The following ARL15 variants were observed in gnomAD, a reference collection of about 807,000 sequenced individuals.
ARL15 encodes the protein ARF like GTPase 15.
In ARL15, 19 loss-of-function variants were observed where a neutral mutation model predicts 25.2. That is an observed-to-expected ratio of 0.75 (90% CI 0.53 to 1.10). The LOEUF (loss-of-function observed/expected upper bound fraction) is 1.10, where lower values mean the gene tolerates loss of function less well. Among genes scored for constraint, ARL15 ranks in the 50% least tolerant of loss-of-function variants. The pLI is 0.00. For missense variants in ARL15, 220 were observed against 246.0 expected (o/e 0.89, Z 0.71); for synonymous variants, 94 against 86.8 (o/e 1.08, Z -0.46).
chr5:53,902,850 T>C (rs1745116729), intron 4 of ARL15, among the ~76,000 whole-genome samples: 1 of 151,906 alleles, frequency 6.6e-6, no homozygotes, highest in Non-Finnish European at 1.5e-5. Context: ...CAGGAAAGCA[T>C]GGAGAACTAG....
intron 1 of ARL15, among the ~76,000 whole-genome samples, chr5:54,235,019 C>T (rs1035689635): frequency 6.6e-6 from 1 of 152,144 alleles, no homozygotes; most frequent in African/African-American, 2.4e-5. Context: ...GATTATACAT[C>T]GGCTATCCAA....
chr5:54,127,339 TAC>T (rs1753290714), intron 3 of ARL15, among the ~76,000 whole-genome samples: 1 of 152,116 alleles, frequency 6.6e-6, no homozygotes, highest in Non-Finnish European at 1.5e-5. Flanking sequence ...ACAAAACCAA[TAC>T]GCAAAAATCA....
At chr5:54,025,571 C>A (rs1397723309) in intron 4 of ARL15, among the ~76,000 whole-genome samples, 1 of 152,126 alleles carries the variant, frequency 6.6e-6, no homozygotes, top group African/African-American at 2.4e-5. Context: ...TGAATAAAAG[C>A]AATACCAAGT....
chr5:54,181,044 A>C, intron 1 of ARL15, among the ~76,000 whole-genome samples: 1 of 152,214 alleles, frequency 6.6e-6, no homozygotes. Flanking sequence ...ATGAACCAAA[A>C]GTGAGATTTT....
At chr5:53,978,309 G>A (rs1748009550) in intron 4 of ARL15, among the ~76,000 whole-genome samples, 2 of 151,976 alleles carry the variant, frequency 1.3e-5, no homozygotes, top group Non-Finnish European at 2.9e-5. Context: ...TGTATGTATG[G>A]GACATAACTC....
intron 1 of ARL15, among the ~76,000 whole-genome samples, chr5:54,210,834 T>C (rs1561268197): frequency 6.6e-6 from 1 of 152,230 alleles, no homozygotes; most frequent in Non-Finnish European, 1.5e-5. Flanking sequence ...TGCAAAACTG[T>C]GGCACAGAGA....
chr5:54,267,957 C>A (rs1386338503), intron 1 of ARL15, among the ~76,000 whole-genome samples: 2 of 151,698 alleles, frequency 1.3e-5, no homozygotes, highest in African/African-American at 4.8e-5. Flanking sequence ...TGGAGTTGCT[C>A]TTCTCGAGGA....
chr5:54,204,207 T>G (rs1755800705), intron 1 of ARL15, among the ~76,000 whole-genome samples: 1 of 152,146 alleles, frequency 6.6e-6, no homozygotes, highest in Non-Finnish European at 1.5e-5. Flanking sequence ...GATAATTATA[T>G]TAATAACAGT....
At chr5:53,892,815 A>G (rs1355349668) in intron 4 of ARL15, among the ~76,000 whole-genome samples, 4 of 152,016 alleles carry the variant, frequency 2.6e-5, no homozygotes. Flanking sequence ...TATTTTGTTC[A>G]GGCTGGTCTT....
At chr5:54,179,593 G>A (rs983266462) in intron 1 of ARL15, among the ~76,000 whole-genome samples, 1 of 152,112 alleles carries the variant, frequency 6.6e-6, no homozygotes, top group East Asian at 1.9e-4. Flanking sequence ...GAGCAGGGGA[G>A]GAGGAGGAGA....
intron 4 of ARL15, among the ~76,000 whole-genome samples, chr5:54,101,319 T>G (rs533724725): frequency 6.6e-6 from 1 of 152,182 alleles, no homozygotes; most frequent in African/African-American, 2.4e-5. Flanking sequence ...AGAGTATAAA[T>G]AAAAACAAAT....
At chr5:54,269,722 T>C (rs1212901789) in intron 1 of ARL15, among the ~76,000 whole-genome samples, 1 of 152,230 alleles carries the variant, frequency 6.6e-6, no homozygotes, top group East Asian at 1.9e-4. Context: ...CTCGGCCCAC[T>C]GCAACCTCCA....
At chr5:54,078,256 C>A (rs902708924) in intron 4 of ARL15, among the ~76,000 whole-genome samples, 1 of 152,124 alleles carries the variant, frequency 6.6e-6, no homozygotes, top group Non-Finnish European at 1.5e-5. Flanking sequence ...CTCAGAATAG[C>A]TTTTGCTTAG....
At position 54,039,124 on chromosome 5, in the gene ARL15, A is replaced by G. The variant is rs555346245; in HGVS notation, c.462+74078T>C. 6.6e-5 allele frequency among the ~76,000 whole-genome samples: 10 copies of G among 152,300 alleles called. No homozygotes were observed. In the South Asian group the frequency reaches 2.1e-3, roughly 32 times the overall value. ...GCCACTTGTCCACTCTTCTATTCATATATCTACCTACTCACCTACTCATCC... is the reference window on the plus strand; with the variant it reads ...GCCACTTGTCCACTCTTCTATTCATGTATCTACCTACTCACCTACTCATCC... On this transcript the variant is annotated intron_variant, in intron 4 of 4. Coordinates refer to ENST00000504924, the MANE Select transcript of ARL15 (RefSeq NM_019087.3).
At chr5:54,199,218 A>G (rs1310628184) in intron 1 of ARL15, among the ~76,000 whole-genome samples, 2 of 152,194 alleles carry the variant, frequency 1.3e-5, no homozygotes, top group Admixed American at 1.3e-4. Flanking sequence ...AGGCAATACT[A>G]TTCAGGACAT....
intron 3 of ARL15, among the ~76,000 whole-genome samples, chr5:54,144,778 C>A (rs189301457): frequency 6.6e-6 from 1 of 152,294 alleles, no homozygotes; most frequent in Non-Finnish European, 1.5e-5. Flanking sequence ...GCAGTCAGCA[C>A]ATTACTGAGG....
intron 4 of ARL15, among the ~76,000 whole-genome samples, chr5:54,012,775 C>T (rs112574921): frequency 6.6e-5 from 10 of 151,846 alleles, no homozygotes; most frequent in South Asian, 2.1e-4. Context: ...CCACCCGCCT[C>T]GGCCTACCAA....
At chr5:53,994,807 A>C (rs1748616407) in intron 4 of ARL15, among the ~76,000 whole-genome samples, 1 of 152,110 alleles carries the variant, frequency 6.6e-6, no homozygotes, top group South Asian at 2.1e-4. Context: ...GAGCCATTTA[A>C]ATGAAAACAC....
chr5:54,208,005 G>A (rs1755919614), intron 1 of ARL15, among the ~76,000 whole-genome samples: 1 of 152,152 alleles, frequency 6.6e-6, no homozygotes. Context: ...CTTTAGCATA[G>A]TGAATATTGA....
Sources: gnomAD v4.1 joint callset for allele counts (sites outside exome capture counted in the v4.1 genomes callset) on GRCh38, gnomAD v4.1.1 for gene constraint, MANE v1.5 for transcripts, NCBI Gene and HGNC (gene_info 2026-07-23, HGNC 2026-07-21) for gene names.